PADI2: variants seen among roughly 807,000 people sequenced by gnomAD.
PADI2 encodes peptidyl arginine deiminase 2, also known as protein-arginine deiminase type-2.
Under a neutral mutation model 81.1 loss-of-function variants are expected in PADI2, and 70 were observed. The observed-to-expected ratio is 0.86, with a 90% confidence interval of 0.71 to 1.05. The LOEUF is 1.05. Among genes scored for constraint, PADI2 ranks in the 50% least tolerant of loss-of-function variants. The probability of loss-of-function intolerance (pLI) is 0.00; values close to 1 mark genes in which losing one functional copy is unlikely to be tolerated. For synonymous variants in PADI2, 338 were observed against 358.0 expected (o/e 0.94, Z 0.63); for missense variants, 853 against 889.9 (o/e 0.96, Z 0.53).
intron 6 of PADI2, among the ~76,000 whole-genome samples, chr1:17,088,719 C>T (rs553418470): frequency 6.6e-6 from 1 of 151,890 alleles, no homozygotes; most frequent in South Asian, 2.1e-4. Flanking sequence ...CAAGACTGGC[C>T]AACACAGTGA....
chr1:17,094,359 A>T (rs1476243317), intron 4 of PADI2, among the ~76,000 whole-genome samples: 1 of 152,032 alleles, frequency 6.6e-6, no homozygotes, highest in Non-Finnish European at 1.5e-5. Flanking sequence ...TCAAGCTCCC[A>T]GGCCTTTGCC....
intron 5 of PADI2, among the ~76,000 whole-genome samples, chr1:17,093,219 C>T (rs1250338610): frequency 6.6e-6 from 1 of 151,900 alleles, no homozygotes; most frequent in Admixed American, 6.5e-5. Flanking sequence ...CCTCAGCCTC[C>T]TGAGTAGTTG....
intron 4 of PADI2, 124 bp downstream of exon 4, chr1:17,095,785 T>C: frequency 1.5e-6 from 1 of 683,190 alleles, no homozygotes; most frequent in Non-Finnish European, 2.6e-6. Flanking sequence ...GTATGCTGTG[T>C]GTCTGGGAGC....
At chr1:17,085,784 C>G (rs1930347441) in intron 7 of PADI2, among the ~76,000 whole-genome samples, 1 of 152,206 alleles carries the variant, frequency 6.6e-6, no homozygotes, top group Non-Finnish European at 1.5e-5. Context: ...CCATTGTATC[C>G]TTTCCCAAAG....
Position 17,119,328 on chromosome 1 carries a change from A to C in PADI2, c.44T>G (p.Val15Gly). 6.4e-7 allele frequency: 1 copy of C among 1,558,062 alleles called. No homozygotes were observed. The highest frequency in any genetic ancestry group is 8.7e-7 in the Non-Finnish European group (1 of 1,152,272). ...GGTGCCCAGCACGTACACCGCCTCC[A>C]CGCGGCTCCCGTACTGCAGCCGCAC... The part of the protein sequence containing the change: ...RTVRLQYGSR[V>G]EAVYVLGTYL... Residue 15 changes from valine (V) to glycine (G), a missense_variant, in exon 1 of 16, where the codon GTG (valine) becomes GGG (glycine). Transcript: ENST00000375486. The surrounding 1 kb of genome is among the most constrained non-coding windows in gnomAD (Gnocchi z 4.8).
At chr1:17,091,532 C>A (rs1930696555) in intron 6 of PADI2, among the ~76,000 whole-genome samples, 1 of 152,116 alleles carries the variant, frequency 6.6e-6, no homozygotes. Context: ...CTGCTCTGGG[C>A]TTCCATCTGC....
chr1:17,075,824 C>A lies in PADI2; in HGVS notation c.1311-1G>T. The A allele has an allele frequency of 6.2e-7, 1 of 1,613,376 alleles. No homozygotes were observed. Among genetic ancestry groups the A allele is most frequent in the Non-Finnish European group, 8.5e-7 (1 of 1,179,758 alleles). The stretch of plus-strand genomic sequence containing the variant: ...CTTGGTCATCCTCCGACCACCAGAC[C>A]TGGAGAAGGGAGGAAGAGGAGTTTC... On this transcript the variant is annotated splice_acceptor_variant, in intron 11 of 15. Coordinates refer to ENST00000375486, the MANE Select transcript of PADI2 (RefSeq NM_007365.3). LOFTEE classifies it high-confidence loss of function.
At chr1:17,078,002 AG>A (rs1017229043) in intron 11 of PADI2, among the ~76,000 whole-genome samples, 5 of 152,142 alleles carry the variant, frequency 3.3e-5, no homozygotes, top group African/African-American at 4.8e-5. Flanking sequence ...ACCTCTTTTA[AG>A]TATGGTAGCC....
At chr1:17,108,593 A>C (rs537386698) in intron 1 of PADI2, among the ~76,000 whole-genome samples, 19 of 151,942 alleles carry the variant, frequency 1.3e-4, no homozygotes, top group Non-Finnish European at 2.5e-4. Flanking sequence ...ACACCCAAGC[A>C]AAGAGGGCAG....
chr1:17,089,545 C>T (rs540073107), intron 6 of PADI2, among the ~76,000 whole-genome samples: 8 of 152,296 alleles, frequency 5.3e-5, no homozygotes, highest in East Asian at 3.9e-4. Flanking sequence ...GTGGAGGACA[C>T]GTTCTAGTCC....
At chr1:17,098,805 C>T (rs1261487301) in intron 3 of PADI2, among the ~76,000 whole-genome samples, 1 of 152,234 alleles carries the variant, frequency 6.6e-6, no homozygotes, top group Non-Finnish European at 1.5e-5. Flanking sequence ...GGACTTCGCC[C>T]CTGCAAGGCT....
intron 9 of PADI2, chr1:17,083,254 A>G: frequency 6.2e-6 from 1 of 161,076 alleles, no homozygotes; most frequent in Non-Finnish European, 1.4e-5. Context: ...CTGAGGTGGG[A>G]GGATTGCTTA....
At chr1:17,086,394 C>T (rs1402920892) in intron 7 of PADI2, 127 bp downstream of exon 7, 4 of 740,784 alleles carry the variant, frequency 5.4e-6, no homozygotes, top group African/African-American at 5.3e-5. Flanking sequence ...ATCGAGGTCT[C>T]CTAGCCTGGA....
At position 17,086,514 on chromosome 1, in the gene PADI2, C is replaced by G; in HGVS notation, c.834+7G>C. On this transcript the variant is annotated splice_region_variant and intron_variant, in intron 7 of 15. Transcript: ENST00000375486. ...AGCCCCCTGTGGTGGAGGCCTGGAG[C>G]CCTCACCTGGGCCATGTACTCCAGC... is the stretch of plus-strand genomic sequence containing the variant. The G allele has an allele frequency of 1.2e-6, 2 of 1,609,510 alleles. No individual in the cohort carries two copies. The highest frequency in any genetic ancestry group is 1.7e-6 in the Non-Finnish European group (2 of 1,177,606).
intron 3 of PADI2, among the ~76,000 whole-genome samples, chr1:17,100,102 G>C (rs1031983884): frequency 6.6e-6 from 1 of 152,058 alleles, no homozygotes; most frequent in Admixed American, 6.5e-5. Flanking sequence ...TCAGGATGAC[G>C]GGCTCAAGGG....
chr1:17,105,821 A>G (rs1192254398), intron 1 of PADI2, among the ~76,000 whole-genome samples: 1 of 152,188 alleles, frequency 6.6e-6, no homozygotes, highest in African/African-American at 2.4e-5. Flanking sequence ...ACATCTGTTG[A>G]ACATGAAATC....
intron 6 of PADI2, among the ~76,000 whole-genome samples, chr1:17,091,169 G>A (rs1475521151): frequency 6.7e-6 from 1 of 150,348 alleles, no homozygotes; most frequent in Non-Finnish European, 1.5e-5. Flanking sequence ...TGCCATCCTG[G>A]CTAAATATCT....
chr1:17,104,534 A>T (rs1256415086), intron 2 of PADI2, among the ~76,000 whole-genome samples: 2 of 129,550 alleles, frequency 1.5e-5, no homozygotes, highest in East Asian at 2.8e-4. Flanking sequence ...TCCCGGGTTC[A>T]CGCCATTCTC....
chr1:17,079,356 G>T lies in PADI2; in HGVS notation c.1218C>A (p.Asp406Glu), dbSNP rs770326998. The T allele has an allele frequency of 6.2e-7, 1 of 1,614,088 alleles. No individual in the cohort carries two copies. The highest frequency in any genetic ancestry group is 8.5e-7 in the Non-Finnish European group (1 of 1,179,960). ...EPLFESVTSL[D>E]SFGNLEVSPP... ...GACTGACCTCCAGGTTTCCAAATGA[G>T]TCAAGGCTGGTGACAGACTCAAAGA... Residue 406 changes from aspartate to glutamate, a missense_variant, in exon 11 of 16, where the codon GAC (aspartate) becomes GAA (glutamate). By Grantham distance (45) the Asp-to-Glu change is conservative. Transcript: ENST00000375486.
Sources: allele counts gnomAD v4.1 joint callset (sites outside exome capture counted in the v4.1 genomes callset), GRCh38; gene constraint gnomAD v4.1.1; non-coding constraint Gnocchi (gnomAD v3.1); transcripts MANE v1.5; gene names NCBI Gene and HGNC (gene_info 2026-07-23, HGNC 2026-07-21).